Variants in JAZF1 observed in about 807,000 individuals in gnomAD.
JAZF1 encodes the protein JAZF zinc finger 1.
JAZF1 carries 8 observed loss-of-function variants against 26.4 expected under a neutral mutation model. That is an observed-to-expected ratio of 0.30 (90% CI 0.18 to 0.55). The LOEUF (loss-of-function observed/expected upper bound fraction) is 0.55, where lower values mean the gene tolerates loss of function less well. JAZF1 is among the 20% of genes least tolerant of loss of function. The probability of loss-of-function intolerance (pLI) is 0.94; values close to 1 mark genes in which losing one functional copy is unlikely to be tolerated. For missense variants in JAZF1, 199 were observed against 322.0 expected (o/e 0.62, Z 2.92); for synonymous variants, 126 against 122.3 (o/e 1.03, Z -0.20).
chr7:27,938,622 G>GTA (rs1583471335), intron 2 of JAZF1, among the ~76,000 whole-genome samples: 2 of 152,262 alleles, frequency 1.3e-5, no homozygotes, highest in East Asian at 1.9e-4. Context: ...ATGGTGCCTG[G>GTA]TAATAGCTAT....
intron 3 of JAZF1, among the ~76,000 whole-genome samples, chr7:27,867,308 A>C (rs10256550): frequency 0.72 from 109,869 of 152,014 alleles, 40,356 homozygotes; most frequent in African/African-American, 0.85. Flanking sequence ...TGTCTCTTCC[A>C]AGACATAGCA....
chr7:27,897,751 C>T (rs1040991919), intron 2 of JAZF1, among the ~76,000 whole-genome samples: 1 of 152,222 alleles, frequency 6.6e-6, no homozygotes, highest in South Asian at 2.1e-4. Flanking sequence ...GCGTGAGGCT[C>T]TTCTACCAGG....
chr7:27,918,297 T>C (rs1784475942), intron 2 of JAZF1, among the ~76,000 whole-genome samples: 1 of 152,232 alleles, frequency 6.6e-6, no homozygotes, highest in African/African-American at 2.4e-5. Context: ...AAAATCCTGA[T>C]TACCCTTCAA....
intron 2 of JAZF1, among the ~76,000 whole-genome samples, chr7:27,921,529 C>T (rs1784529275): frequency 6.6e-6 from 1 of 152,154 alleles, no homozygotes. Flanking sequence ...GTCATAAGGG[C>T]AGACTGGCAT....
At chr7:28,065,398 A>G (rs1375794667) in intron 1 of JAZF1, among the ~76,000 whole-genome samples, 1 of 151,718 alleles carries the variant, frequency 6.6e-6, no homozygotes, top group Non-Finnish European at 1.5e-5. Context: ...TGGGTAGAGT[A>G]GAGGAGTGGG....
At chr7:27,844,634 T>C (rs1167300327) in intron 3 of JAZF1, 1 of 152,188 alleles carries the variant, frequency 6.6e-6, no homozygotes, top group Non-Finnish European at 1.5e-5. Context: ...AGAAACCACA[T>C]ATGCAAAGAA....
intron 1 of JAZF1, among the ~76,000 whole-genome samples, chr7:28,116,083 C>T (rs1428748352): frequency 1.3e-5 from 2 of 152,172 alleles, no homozygotes; most frequent in Non-Finnish European, 2.9e-5. Context: ...CCAGTCTTTT[C>T]TATTATAAAC....
At chr7:28,109,480 A>G (rs1784605574) in intron 1 of JAZF1, among the ~76,000 whole-genome samples, 1 of 152,212 alleles carries the variant, frequency 6.6e-6, no homozygotes. Flanking sequence ...CTGATAACCC[A>G]TAAACGCTCT....
chr7:27,883,799 C>T (rs1330766476), intron 3 of JAZF1, among the ~76,000 whole-genome samples: 2 of 152,210 alleles, frequency 1.3e-5, no homozygotes, highest in Admixed American at 1.3e-4. Flanking sequence ...AGTTTGGCAA[C>T]AGCCCTTCTT....
At chr7:28,172,747 T>C (rs1783489978) in intron 1 of JAZF1, among the ~76,000 whole-genome samples, 1 of 152,156 alleles carries the variant, frequency 6.6e-6, no homozygotes, top group African/African-American at 2.4e-5. Context: ...CCCTCCCCTT[T>C]GTGTAAGGAC....
intron 1 of JAZF1, among the ~76,000 whole-genome samples, chr7:28,045,531 T>C (rs1473331837): frequency 6.7e-6 from 1 of 148,268 alleles, no homozygotes; most frequent in Non-Finnish European, 1.5e-5. Flanking sequence ...CACAGAATTG[T>C]TAAAAGTGCA....
chr7:28,087,544 G>T (rs868353281), intron 1 of JAZF1, among the ~76,000 whole-genome samples: 2 of 152,180 alleles, frequency 1.3e-5, no homozygotes, highest in African/African-American at 4.8e-5. Flanking sequence ...ACGTCATTCA[G>T]AAATGTACTG....
intron 1 of JAZF1, chr7:27,992,342 C>A: frequency 2.6e-6 from 1 of 382,390 alleles, no homozygotes; most frequent in South Asian, 2.1e-5. Context: ...ATGCTCACTT[C>A]AATGCTGGAA....
intron 3 of JAZF1, among the ~76,000 whole-genome samples, chr7:27,887,794 CAAAT>C (rs763280137): frequency 2.0e-5 from 3 of 152,122 alleles, no homozygotes; most frequent in Non-Finnish European, 4.4e-5. Context: ...TGTGGAAAAA[CAAAT>C]AAAATCCTAT....
At chr7:27,890,764 T>C (rs565394513) in intron 3 of JAZF1, among the ~76,000 whole-genome samples, 44 of 151,102 alleles carry the variant, frequency 2.9e-4, no homozygotes, top group South Asian at 2.1e-3. Flanking sequence ...CTCTAAGTAA[T>C]TGTACTTTAG....
intron 2 of JAZF1, among the ~76,000 whole-genome samples, chr7:27,936,171 TTACTTTAGGGAA>T (rs1437538395): frequency 3.3e-5 from 5 of 152,326 alleles, no homozygotes; most frequent in Admixed American, 1.3e-4. Context: ...TTCTTCCCCT[TTACTTTAGGGAA>T]TACTTTAGGG....
At position 27,832,786 on chromosome 7, in the gene JAZF1, T is replaced by C. The variant is rs1782730986; in HGVS notation, c.*14A>G. On this transcript the variant is annotated 3_prime_UTR_variant, in exon 5 of 5. Coordinates refer to ENST00000283928, the MANE Select transcript of JAZF1 (RefSeq NM_175061.4). ...TGCTGGTGAGGATTTCTTGGCACAGTTATGACCAGCATGTTATTGCTGCAT... is the reference window on the plus strand; with the variant it reads ...TGCTGGTGAGGATTTCTTGGCACAGCTATGACCAGCATGTTATTGCTGCAT... The C allele has an allele frequency of 6.5e-7, 1 of 1,548,580 alleles. No individual in the cohort carries two copies.
At chr7:27,962,784 G>T (rs530456301) in intron 2 of JAZF1, among the ~76,000 whole-genome samples, 22 of 152,288 alleles carry the variant, frequency 1.4e-4, no homozygotes, top group African/African-American at 5.1e-4. Context: ...AAAAGCAGTT[G>T]TTTTAAAAAC....
At chr7:27,937,824 A>C (rs183279392) in intron 2 of JAZF1, among the ~76,000 whole-genome samples, 344 of 152,370 alleles carry the variant, frequency 2.3e-3, no homozygotes, top group African/African-American at 7.9e-3. Context: ...ATAAAAATGC[A>C]AACATCACAG....
Sources: allele counts gnomAD v4.1 joint callset (sites outside exome capture counted in the v4.1 genomes callset), GRCh38; gene constraint gnomAD v4.1.1; transcripts MANE v1.5; gene names NCBI Gene and HGNC (gene_info 2026-07-23, HGNC 2026-07-21).